Variants in NEBL observed in about 807,000 individuals in gnomAD.
NEBL encodes nebulette.
A neutral mutation model predicts 140.2 loss-of-function variants in NEBL; 122 were observed. That is an observed-to-expected ratio of 0.87 (90% CI 0.75 to 1.01). The LOEUF (loss-of-function observed/expected upper bound fraction) is 1.01, where lower values mean the gene tolerates loss of function less well. NEBL is among the 50% of genes least tolerant of loss of function. The pLI, the probability that NEBL is intolerant of heterozygous loss-of-function variation, is 0.00. For synonymous variants in NEBL, 436 were observed against 398.9 expected (o/e 1.09, Z -1.11); for missense variants, 1,365 against 1,231.3 (o/e 1.11, Z -1.62).
chr10:20,950,171 C>T (rs1835390065), intron 4 of NEBL, among the ~76,000 whole-genome samples: 1 of 152,190 alleles, frequency 6.6e-6, no homozygotes, highest in African/African-American at 2.4e-5. Context: ...CGCAGGGCAT[C>T]GGGGGTCATC....
At chr10:21,232,639 A>T (rs371449623) in intron 3 of NEBL, among the ~76,000 whole-genome samples, 1 of 152,198 alleles carries the variant, frequency 6.6e-6, no homozygotes, top group African/African-American at 2.4e-5. Flanking sequence ...TTGCGCTTCT[A>T]TGAGAATCTA....
chr10:20,809,726 CA>C, intron 25 of NEBL, 79 bp downstream of exon 25: 1 of 1,137,008 alleles, frequency 8.8e-7, no homozygotes, highest in Non-Finnish European at 1.3e-6. Flanking sequence ...TTACACAGTA[CA>C]ATGAACCTCT....
chr10:21,146,172 G>A (rs1488189781), intron 2 of NEBL, among the ~76,000 whole-genome samples: 2 of 152,166 alleles, frequency 1.3e-5, no homozygotes, highest in South Asian at 2.1e-4. Context: ...GGCCTGCGTC[G>A]CTGCTTAATC....
In NEBL at chr10:20,835,605, G is replaced by C. The variant is rs1238813649; in HGVS notation, c.1357C>G (p.Leu453Val). 3 of 1,609,402 alleles carry C rather than the reference G, an allele frequency of 1.9e-6. No homozygotes were observed. Among genetic ancestry groups the C allele is most frequent in the South Asian group, 1.1e-5 (1 of 91,016 alleles). ...MASEKEYKKD[L>V]ESIIKGKGMQ... ...CCTTTCCCTTTAATTATTGACTCCA[G>C]GTCTTTCTTGTATTCTTTCTGCAAA... Residue 453 changes from leucine (L) to valine (V), a missense_variant, in exon 14 of 28, where the codon CTG (leucine) becomes GTG (valine). By Grantham distance (32) the Leu-to-Val change is conservative (BLOSUM62 1). This residue lies in a region of NEBL where 1,323 missense variants were observed against 1,154.8 expected (regional missense o/e 1.15). Coordinates refer to ENST00000377122, the MANE Select transcript of NEBL (RefSeq NM_006393.3).
At chr10:20,989,559 G>A (rs1246130510) in intron 3 of NEBL, among the ~76,000 whole-genome samples, 1 of 152,126 alleles carries the variant, frequency 6.6e-6, no homozygotes, top group Non-Finnish European at 1.5e-5. Context: ...TTTATGAAGT[G>A]TGAGAAGACA....
chr10:21,235,771 A>G (rs1403755937), intron 3 of NEBL, among the ~76,000 whole-genome samples: 1 of 152,136 alleles, frequency 6.6e-6, no homozygotes, highest in Non-Finnish European at 1.5e-5. Context: ...TTTAAAAAAT[A>G]TATTTGATTT....
At chr10:21,052,828 C>T (rs541051727) in intron 2 of NEBL, among the ~76,000 whole-genome samples, 2 of 152,294 alleles carry the variant, frequency 1.3e-5, no homozygotes, top group Non-Finnish European at 2.9e-5. Flanking sequence ...ACAGAAAATG[C>T]TCAGCCCCAA....
At chr10:21,066,105 G>A (rs1200514843) in intron 2 of NEBL, among the ~76,000 whole-genome samples, 1 of 152,188 alleles carries the variant, frequency 6.6e-6, no homozygotes, top group African/African-American at 2.4e-5. Flanking sequence ...GGAAGAGAGA[G>A]TGAAGTACAG....
intron 1 of NEBL, among the ~76,000 whole-genome samples, chr10:21,281,829 C>T (rs2132298729): frequency 6.6e-6 from 1 of 152,304 alleles, no homozygotes; most frequent in South Asian, 2.1e-4. Context: ...CCCTTCTCAT[C>T]CCTCCGTCCC....
chr10:20,901,602 A>G (rs1588981390), upstream of NEBL, among the ~76,000 whole-genome samples: 1 of 151,852 alleles, frequency 6.6e-6, no homozygotes, highest in East Asian at 1.9e-4. Flanking sequence ...ACAGAGATAA[A>G]CTGCTTTTCT....
At chr10:20,946,214 G>A (rs948768834) in intron 4 of NEBL, among the ~76,000 whole-genome samples, 2 of 152,166 alleles carry the variant, frequency 1.3e-5, no homozygotes, top group Admixed American at 1.3e-4. Flanking sequence ...GGAGCCCATC[G>A]TGTTTCCTCC....
At chr10:21,089,257 C>T (rs954547148) in intron 2 of NEBL, among the ~76,000 whole-genome samples, 1 of 152,122 alleles carries the variant, frequency 6.6e-6, no homozygotes, top group African/African-American at 2.4e-5. Flanking sequence ...TGGATATGAG[C>T]AGTGTGAGCT....
chr10:21,011,103 G>T (rs1483958674), intron 3 of NEBL, among the ~76,000 whole-genome samples: 1 of 152,004 alleles, frequency 6.6e-6, no homozygotes, highest in African/African-American at 2.4e-5. Flanking sequence ...GAACATTTTT[G>T]TACTAAAATC....
intron 1 of NEBL, among the ~76,000 whole-genome samples, chr10:21,287,710 T>C (rs562078533): frequency 6.6e-6 from 1 of 152,272 alleles, no homozygotes; most frequent in South Asian, 2.1e-4. Flanking sequence ...AGAAGAAATG[T>C]TAAATGTTAG....
At chr10:20,914,062 C>T (rs1848436250) in intron 4 of NEBL, among the ~76,000 whole-genome samples, 1 of 152,194 alleles carries the variant, frequency 6.6e-6, no homozygotes, top group Non-Finnish European at 1.5e-5. Flanking sequence ...GAATCAATCA[C>T]ATACCCTGAT....
chr10:21,167,264 C>A (rs1388541538), intron 2 of NEBL, among the ~76,000 whole-genome samples: 1 of 152,206 alleles, frequency 6.6e-6, no homozygotes, highest in African/African-American at 2.4e-5. Context: ...AAGTGAAACT[C>A]TTTGATGAGA....
chr10:20,829,850 A>T (rs573892715), intron 16 of NEBL, among the ~76,000 whole-genome samples: 1 of 152,216 alleles, frequency 6.6e-6, no homozygotes, highest in East Asian at 1.9e-4. Context: ...TGATTATTAG[A>T]TTTATCTGTA....
chr10:20,983,094 G>C (rs1020624986), intron 3 of NEBL, among the ~76,000 whole-genome samples: 3 of 152,184 alleles, frequency 2.0e-5, no homozygotes, highest in African/African-American at 7.2e-5. Context: ...GAAAAATCCT[G>C]AATTTCCAAC....
At chr10:21,050,129 A>G (rs2131850590) in intron 2 of NEBL, among the ~76,000 whole-genome samples, 1 of 152,352 alleles carries the variant, frequency 6.6e-6, no homozygotes, top group East Asian at 1.9e-4. Context: ...ATCTCATAAC[A>G]GAGCATACCA....
Sources: allele counts gnomAD v4.1 joint callset (sites outside exome capture counted in the v4.1 genomes callset), GRCh38; gene constraint gnomAD v4.1.1; regional missense constraint gnomAD v4.1.1; transcripts MANE v1.5; gene names NCBI Gene and HGNC (gene_info 2026-07-23, HGNC 2026-07-21).